The following COL19A1 variants were observed in gnomAD, a reference collection of about 807,000 sequenced individuals.
The protein encoded by COL19A1 is collagen type XIX alpha 1 chain.
A neutral mutation model predicts 190.2 loss-of-function variants in COL19A1; 159 were observed. The ratio of observed to expected loss-of-function variants is 0.84; its 90% CI spans 0.73 to 0.95. COL19A1 has a LOEUF of 0.95. Ranked by LOEUF, COL19A1 falls within the 40% of genes least tolerant of loss-of-function variation. COL19A1 has a pLI of 0.00. For missense variants in COL19A1, 1,418 were observed against 1,431.9 expected (o/e 0.99, Z 0.16); for synonymous variants, 509 against 458.9 (o/e 1.11, Z -1.39).
intron 18 of COL19A1, among the ~76,000 whole-genome samples, chr6:70,137,213 A>C (rs1286769012): frequency 6.6e-6 from 1 of 152,166 alleles, no homozygotes; most frequent in Non-Finnish European, 1.5e-5. Flanking sequence ...TAAACCCTGG[A>C]AACAGCTGAG....
intron 18 of COL19A1, among the ~76,000 whole-genome samples, chr6:70,136,892 A>T (rs754105290): frequency 7.0e-4 from 106 of 151,978 alleles, no homozygotes; most frequent in South Asian, 1.2e-3. Flanking sequence ...GAAGTTAGGG[A>T]AAAAAAATCA....
intron 12 of COL19A1, among the ~76,000 whole-genome samples, chr6:70,032,150 G>A (rs2150114253): frequency 6.6e-6 from 1 of 152,260 alleles, no homozygotes. Flanking sequence ...ACTGATCTAA[G>A]AAGATTCTTG....
chr6:70,039,352 C>T (rs1187379479), intron 14 of COL19A1, among the ~76,000 whole-genome samples: 2 of 152,198 alleles, frequency 1.3e-5, no homozygotes, highest in Non-Finnish European at 1.5e-5. Context: ...CAAAAACACC[C>T]AACCTGATTA....
chr6:70,073,781 A>G (rs1311601508), intron 15 of COL19A1, among the ~76,000 whole-genome samples: 1 of 152,188 alleles, frequency 6.6e-6, no homozygotes, highest in South Asian at 2.1e-4. Context: ...TGGTGTCATC[A>G]CTGTGGAGTA....
At chr6:70,038,438 A>G (rs2150120627) in intron 14 of COL19A1, among the ~76,000 whole-genome samples, 1 of 152,336 alleles carries the variant, frequency 6.6e-6, no homozygotes, top group South Asian at 2.1e-4. Flanking sequence ...CAAAAAAATT[A>G]TATCAGATTG....
At chr6:70,081,153 C>T (rs952237734) in intron 15 of COL19A1, among the ~76,000 whole-genome samples, 10 of 151,796 alleles carry the variant, frequency 6.6e-5, no homozygotes, top group African/African-American at 1.2e-4. Flanking sequence ...AAGCTAAAGC[C>T]GAAAAAATGG....
In COL19A1 at chr6:69,960,051, C is replaced by G; in HGVS notation, c.981+11C>G. 1 of 1,608,220 alleles carries G rather than the reference C, an allele frequency of 6.2e-7. No individual in the cohort carries two copies. On this transcript the variant is annotated intron_variant, in intron 10 of 50. Coordinates refer to ENST00000620364, the MANE Select transcript of COL19A1 (RefSeq NM_001858.6). ...TTCCCTGGTCAAAAGGTAAAGAGTTCTTGAATGTTTCATCTGAGTTAAGAA... is the reference window on the plus strand; with the variant it reads ...TTCCCTGGTCAAAAGGTAAAGAGTTGTTGAATGTTTCATCTGAGTTAAGAA...
intron 8 of COL19A1, 22 bp downstream of exon 8, chr6:69,936,932 C>T (rs1161311197): frequency 1.1e-5 from 17 of 1,610,526 alleles, no homozygotes; most frequent in Non-Finnish European, 1.0e-5. Context: ...TTAATTGGTG[C>T]ACACTGAAAG....
At chr6:70,028,469 G>T (rs1447772029) in intron 12 of COL19A1, among the ~76,000 whole-genome samples, 2 of 152,132 alleles carry the variant, frequency 1.3e-5, no homozygotes, top group Non-Finnish European at 2.9e-5. Context: ...TCTGGGCATC[G>T]TGACAACTTT....
At chr6:70,153,172 T>G (rs1787184335) in intron 31 of COL19A1, among the ~76,000 whole-genome samples, 1 of 152,146 alleles carries the variant, frequency 6.6e-6, no homozygotes, top group African/African-American at 2.4e-5. Context: ...ATTTAGACTG[T>G]GGGTTGGATC....
intron 4 of COL19A1, among the ~76,000 whole-genome samples, chr6:69,921,058 T>TATATATTCATAGGCATATC (rs1554165921): frequency 0.19 from 9,586 of 51,388 alleles, 855 homozygotes; most frequent in Middle Eastern, 0.27. Flanking sequence ...AGACATATCA[T>TATATATTCATAGGCATATC]ATATATTCAT....
chr6:70,010,213 CA>C (rs1442507841), intron 11 of COL19A1, among the ~76,000 whole-genome samples: 6 of 152,104 alleles, frequency 3.9e-5, no homozygotes, highest in Non-Finnish European at 8.8e-5. Flanking sequence ...TAGCTCTAAA[CA>C]AACAATCCAA....
intron 18 of COL19A1, among the ~76,000 whole-genome samples, chr6:70,133,515 G>C (rs548774432): frequency 6.6e-6 from 1 of 152,276 alleles, no homozygotes; most frequent in Non-Finnish European, 1.5e-5. Flanking sequence ...TGTGGTGAAG[G>C]GATAATGTAC....
intron 2 of COL19A1, among the ~76,000 whole-genome samples, chr6:69,887,155 T>C (rs1769001030): frequency 6.6e-6 from 1 of 152,236 alleles, no homozygotes; most frequent in Non-Finnish European, 1.5e-5. Flanking sequence ...AGATATATAC[T>C]GTTTCCAACT....
intron 11 of COL19A1, among the ~76,000 whole-genome samples, chr6:69,984,341 A>C (rs1037593969): frequency 6.6e-6 from 1 of 152,030 alleles, no homozygotes; most frequent in African/African-American, 2.4e-5. Flanking sequence ...TTACCTTGGT[A>C]TTGTTAATAT....
At chr6:69,977,466 T>G (rs1161733678) in intron 11 of COL19A1, among the ~76,000 whole-genome samples, 1 of 151,664 alleles carries the variant, frequency 6.6e-6, no homozygotes, top group Non-Finnish European at 1.5e-5. Flanking sequence ...ATATACCTGA[T>G]GCTAAATGAC....
intron 4 of COL19A1, among the ~76,000 whole-genome samples, chr6:69,904,924 C>T (rs1770448029): frequency 6.6e-6 from 1 of 151,984 alleles, no homozygotes; most frequent in Admixed American, 6.6e-5. Context: ...GTCAGAAATG[C>T]CCATCCAACT....
chr6:70,008,781 T>C (rs1053259230), intron 11 of COL19A1, among the ~76,000 whole-genome samples: 3 of 151,636 alleles, frequency 2.0e-5, no homozygotes, highest in African/African-American at 7.2e-5. Flanking sequence ...CACACACACA[T>C]ATACATAAAA....
intron 4 of COL19A1, among the ~76,000 whole-genome samples, chr6:69,912,875 C>T (rs929755079): frequency 2.0e-5 from 3 of 152,122 alleles, no homozygotes; most frequent in Non-Finnish European, 2.9e-5. Context: ...ATCGCTTGAG[C>T]CCAGGAGTTC....
Sources: allele counts gnomAD v4.1 joint callset (sites outside exome capture counted in the v4.1 genomes callset), GRCh38; gene constraint gnomAD v4.1.1; transcripts MANE v1.5; gene names NCBI Gene and HGNC (gene_info 2026-07-23, HGNC 2026-07-21).